The following TRABD2A variants were observed in gnomAD, a reference collection of about 807,000 sequenced individuals.
TRABD2A encodes the protein metalloprotease TIKI1.
TRABD2A carries 43 observed loss-of-function variants against 45.6 expected under a neutral mutation model. That is an observed-to-expected ratio of 0.94 (90% CI 0.74 to 1.22). The LOEUF (loss-of-function observed/expected upper bound fraction) is 1.22. TRABD2A is among the 50% of genes most tolerant of loss of function. TRABD2A has a pLI of 0.00. For synonymous variants in TRABD2A, 269 were observed against 265.0 expected (o/e 1.02, Z -0.15); for missense variants, 642 against 652.4 (o/e 0.98, Z 0.17).
At chr2:84,825,419 T>A (rs998352619) in intron 5 of TRABD2A, among the ~76,000 whole-genome samples, 2 of 151,880 alleles carry the variant, frequency 1.3e-5, no homozygotes, top group Non-Finnish European at 2.9e-5. Context: ...AGAAGGGAAT[T>A]CCTAAAATGG....
rs573590056 is a variant in TRABD2A, at chr2:84,830,513, C to T, written c.1082+1542G>A. The stretch of plus-strand genomic sequence containing the variant: ...TGGAAAGAATAGTCCCACAGAAGGG[C>T]GAAGAGTGAACCAGAGGGAGAAGGG... On this transcript the variant is annotated intron_variant, in intron 5 of 6. Transcript: ENST00000409520. The surrounding 1 kb of genome is among the most constrained non-coding windows in gnomAD (Gnocchi z 4.9). 6.6e-6 allele frequency among the ~76,000 whole-genome samples: 1 copy of T among 152,078 alleles called. No homozygotes were observed. Among genetic ancestry groups the T allele is most frequent in the South Asian group, 2.1e-4 (1 of 4,802 alleles).
intron 5 of TRABD2A, among the ~76,000 whole-genome samples, chr2:84,831,198 A>C (rs1025876618): frequency 3.3e-5 from 5 of 152,306 alleles, no homozygotes; most frequent in African/African-American, 1.2e-4. Context: ...CTTACAGAAA[A>C]AAAAAATGCC....
chr2:84,826,110 A>T (rs1395595070), intron 5 of TRABD2A, among the ~76,000 whole-genome samples: 1 of 152,208 alleles, frequency 6.6e-6, no homozygotes, highest in Non-Finnish European at 1.5e-5. Flanking sequence ...CTTGGCCTCC[A>T]TATGACCCAA....
intron 6 of TRABD2A, among the ~76,000 whole-genome samples, chr2:84,823,475 A>G: frequency 6.6e-6 from 1 of 152,056 alleles, no homozygotes; most frequent in East Asian, 1.9e-4. Context: ...TGCCCTGCAG[A>G]CTCAGGCTCG....
At chr2:84,840,228 G>A (rs1000190569) in intron 3 of TRABD2A, among the ~76,000 whole-genome samples, 5 of 152,076 alleles carry the variant, frequency 3.3e-5, no homozygotes, top group South Asian at 2.1e-4. Context: ...CGACGGCCTC[G>A]AAATGATATT....
chr2:84,856,931 G>A (rs562987761), intron 2 of TRABD2A, among the ~76,000 whole-genome samples: 2 of 152,324 alleles, frequency 1.3e-5, no homozygotes, highest in East Asian at 1.9e-4. Context: ...GTTGAATGAG[G>A]TCATAAGGGC....
intron 2 of TRABD2A, among the ~76,000 whole-genome samples, chr2:84,869,604 A>G (rs1682802903): frequency 6.6e-6 from 1 of 152,212 alleles, no homozygotes; most frequent in Admixed American, 6.5e-5. Flanking sequence ...ATGCCCTGTG[A>G]CAACCAGTGT....
intron 2 of TRABD2A, among the ~76,000 whole-genome samples, chr2:84,846,971 G>A (rs1363135932): frequency 1.3e-5 from 2 of 152,204 alleles, no homozygotes; most frequent in African/African-American, 2.4e-5. Context: ...CACCTGCACT[G>A]CCCAGACCTA....
At chr2:84,839,618 A>T (rs1681641432) in intron 3 of TRABD2A, among the ~76,000 whole-genome samples, 1 of 152,004 alleles carries the variant, frequency 6.6e-6, no homozygotes, top group Admixed American at 6.5e-5. Flanking sequence ...AAAAAAAAAA[A>T]GGACACTGTC....
intron 2 of TRABD2A, among the ~76,000 whole-genome samples, chr2:84,846,561 A>G (rs1681903611): frequency 6.6e-6 from 1 of 152,216 alleles, no homozygotes; most frequent in African/African-American, 2.4e-5. Context: ...CCAAACACCA[A>G]ACACAGTGGT....
intron 1 of TRABD2A, among the ~76,000 whole-genome samples, chr2:84,880,323 C>A (rs1348815501): frequency 6.6e-6 from 1 of 152,148 alleles, no homozygotes; most frequent in Non-Finnish European, 1.5e-5. Context: ...ACATCTAAAG[C>A]GCCCGGCTGG....
At chr2:84,858,277 T>C (rs1682381089) in intron 2 of TRABD2A, among the ~76,000 whole-genome samples, 1 of 147,084 alleles carries the variant, frequency 6.8e-6, no homozygotes. Flanking sequence ...CAACATCGTC[T>C]CCCACCAGAC....
chr2:84,879,515 G>A, intron 1 of TRABD2A: 5 of 863,678 alleles, frequency 5.8e-6, no homozygotes, highest in Non-Finnish European at 7.0e-6. Flanking sequence ...AAGGAGTCCT[G>A]AGACCAAAAG....
chr2:84,864,021 T>A (rs185991514), intron 2 of TRABD2A, among the ~76,000 whole-genome samples: 4 of 149,970 alleles, frequency 2.7e-5, no homozygotes, highest in East Asian at 1.9e-4. Flanking sequence ...TTTTTTTTTT[T>A]AATGAGATCT....
chr2:84,869,989 A>AT (rs1222296049), intron 2 of TRABD2A, among the ~76,000 whole-genome samples: 5 of 152,062 alleles, frequency 3.3e-5, no homozygotes, highest in Non-Finnish European at 5.9e-5. Flanking sequence ...AAAAAAAAAA[A>AT]AAGTACACAG....
chr2:84,870,750 C>T lies in TRABD2A; in HGVS notation c.144G>A (p.Lys48=). The change falls in exon 2 of 7, where the codon AAG becomes AAA. Residue 48 remains lysine, a synonymous_variant. Coordinates refer to ENST00000409520, the MANE Select transcript of TRABD2A (RefSeq NM_001277053.2). ...CAAAGAAGTAAGATGGTGGGTCTCG[C>T]TTAATGGTCCACAAGAAGGAATTCA... The part of the protein sequence containing the change: ...SELNSFLWTI[K]RDPPSYFFGT... 1.3e-6 allele frequency: 2 copies of T among 1,594,808 alleles called. No homozygotes were observed. The highest frequency in any genetic ancestry group is 1.7e-6 in the Non-Finnish European group (2 of 1,170,546).
intron 4 of TRABD2A, among the ~76,000 whole-genome samples, chr2:84,838,586 A>G (rs899013891): frequency 2.0e-4 from 30 of 152,226 alleles, no homozygotes; most frequent in African/African-American, 6.5e-4. Context: ...ATCTTTCTGC[A>G]TACTGTCCAG....
At chr2:84,879,702 G>T in intron 1 of TRABD2A, 4 of 687,610 alleles carry the variant, frequency 5.8e-6, no homozygotes, top group Non-Finnish European at 7.2e-6. Flanking sequence ...CGGCCACACC[G>T]CAACAGAGTT....
At position 84,880,743 on chromosome 2, in the gene TRABD2A, G is replaced by T. The variant is rs569548468; in HGVS notation, c.108+189C>A. On this transcript the variant is annotated intron_variant, in intron 1 of 6. Transcript: ENST00000409520. ...GAGTCGCTTGGAGCCTGCGGGCTGCGCCCCCGCGGGAAAGGGGAACCCGAG... is the reference window on the plus strand; with the variant it reads ...GAGTCGCTTGGAGCCTGCGGGCTGCTCCCCCGCGGGAAAGGGGAACCCGAG... Among the ~76,000 whole-genome samples, 54 of 152,328 alleles carry T rather than the reference G, an allele frequency of 3.5e-4. No homozygotes were observed. The East Asian group carries it at 0.01, about 29-fold the overall frequency.
Sources: gnomAD v4.1 joint callset for allele counts (sites outside exome capture counted in the v4.1 genomes callset) on GRCh38, gnomAD v4.1.1 for gene constraint, Gnocchi (gnomAD v3.1) non-coding constraint, MANE v1.5 for transcripts, NCBI Gene and HGNC (gene_info 2026-07-23, HGNC 2026-07-21) for gene names.